The following ACTR3C variants were observed in gnomAD, a reference collection of about 807,000 sequenced individuals.
The protein encoded by ACTR3C is actin related protein 3C, also known as actin-related protein 3C.
Under a neutral mutation model 26.3 loss-of-function variants are expected in ACTR3C, and 18 were observed. The ratio of observed to expected loss-of-function variants is 0.68; its 90% CI spans 0.47 to 1.01. The LOEUF (loss-of-function observed/expected upper bound fraction) is 1.01, where lower values mean the gene tolerates loss of function less well. Among genes scored for constraint, ACTR3C ranks in the 50% least tolerant of loss-of-function variants. ACTR3C has a pLI of 0.00. For synonymous variants in ACTR3C, 55 were observed against 94.5 expected (o/e 0.58, Z 2.42); for missense variants, 184 against 250.7 (o/e 0.73, Z 1.80).
At chr7:149,913,815 T>A in the ACTR3C span, among the ~76,000 whole-genome samples, 1 of 151,684 alleles carries the variant, frequency 6.6e-6, no homozygotes, top group African/African-American at 2.4e-5. Context: ...CCCACCACAT[T>A]TAGCACGATA....
At chr7:150,198,070 C>T in the ACTR3C span, among the ~76,000 whole-genome samples, 6 of 151,486 alleles carry the variant, frequency 4.0e-5, no homozygotes, top group Non-Finnish European at 7.4e-5. Flanking sequence ...GGTCTCCAGC[C>T]CCTAACCGCG....
At chr7:149,922,437 G>A in the ACTR3C span, among the ~76,000 whole-genome samples, 1 of 143,116 alleles carries the variant, frequency 7.0e-6, no homozygotes, top group Non-Finnish European at 1.5e-5. Flanking sequence ...ATGGAAAGGA[G>A]CTGCTGCCAG....
chr7:149,980,253 C>A, the ACTR3C span, among the ~76,000 whole-genome samples: 6 of 152,190 alleles, frequency 3.9e-5, no homozygotes, highest in African/African-American at 1.4e-4. Flanking sequence ...CTTGAACACA[C>A]ACTGAGAAAA....
chr7:150,156,880 G>C, the ACTR3C span, among the ~76,000 whole-genome samples: 1 of 151,792 alleles, frequency 6.6e-6, no homozygotes, highest in Non-Finnish European at 1.5e-5. Context: ...TTCCTGTCTA[G>C]TATTTTATAT....
chr7:150,323,335 G>GC (rs952117959), intron 1 of ACTR3C, 134 bp downstream of exon 1: 2 of 273,822 alleles, frequency 7.3e-6, no homozygotes, highest in Non-Finnish European at 7.2e-6. Context: ...CTTTGGCCAG[G>GC]CCCCCTGGGC....
chr7:150,018,404 T>G, the ACTR3C span, among the ~76,000 whole-genome samples: 1 of 149,568 alleles, frequency 6.7e-6, no homozygotes, highest in East Asian at 1.9e-4. Flanking sequence ...CTCAATGTTT[T>G]GAATTTAAAA....
chr7:150,272,156 C>T (rs528457077), intron 6 of ACTR3C, among the ~76,000 whole-genome samples: 64 of 146,128 alleles, frequency 4.4e-4, no homozygotes, highest in Non-Finnish European at 8.7e-4. Context: ...CTGTTATTAC[C>T]AACACACAAT....
chr7:150,229,032 G>T, the ACTR3C span, among the ~76,000 whole-genome samples: 7 of 151,516 alleles, frequency 4.6e-5, no homozygotes, highest in African/African-American at 1.7e-4. Context: ...CTGTAAATTT[G>T]TTATACTACA....
chr7:149,975,595 G>T, the ACTR3C span, among the ~76,000 whole-genome samples: 1 of 152,018 alleles, frequency 6.6e-6, no homozygotes, highest in South Asian at 2.1e-4. Flanking sequence ...AAACAGTGGA[G>T]AATATTACCG....
At chr7:149,942,588 A>G in the ACTR3C span, among the ~76,000 whole-genome samples, 1 of 150,738 alleles carries the variant, frequency 6.6e-6, no homozygotes, top group Non-Finnish European at 1.5e-5. Context: ...TCACACAAAC[A>G]CACACAAAAG....
chr7:150,085,382 A>G, the ACTR3C span, among the ~76,000 whole-genome samples: 1 of 152,002 alleles, frequency 6.6e-6, no homozygotes, highest in African/African-American at 2.4e-5. Flanking sequence ...CGGTTGAGGA[A>G]ATGGAAAAAG....
the ACTR3C span, among the ~76,000 whole-genome samples, chr7:149,967,567 T>C: frequency 1.3e-4 from 20 of 152,320 alleles, no homozygotes; most frequent in Non-Finnish European, 2.2e-4. Flanking sequence ...CTCTGTCCTC[T>C]AAAAATGAAC....
At chr7:149,937,287 G>A in the ACTR3C span, among the ~76,000 whole-genome samples, 2 of 144,028 alleles carry the variant, frequency 1.4e-5, no homozygotes, top group African/African-American at 2.6e-5. Context: ...TCATGTCTGG[G>A]AGGCAGACTG....
chr7:150,063,408 G>C, the ACTR3C span, among the ~76,000 whole-genome samples: 4 of 151,314 alleles, frequency 2.6e-5, no homozygotes, highest in African/African-American at 4.9e-5. Context: ...ATACCAATGG[G>C]GAAAGTAAGT....
At chr7:150,039,600 G>T in the ACTR3C span, among the ~76,000 whole-genome samples, 1 of 142,066 alleles carries the variant, frequency 7.0e-6, no homozygotes, top group East Asian at 2.2e-4. Flanking sequence ...GGTACCTGCC[G>T]TCGGAAGATT....
chr7:150,058,696 C>A, the ACTR3C span, among the ~76,000 whole-genome samples: 2 of 152,146 alleles, frequency 1.3e-5, no homozygotes, highest in Non-Finnish European at 2.9e-5. Context: ...GTGGGTGGAT[C>A]ACGAGGTCAG....
At chr7:149,891,999 A>G in the ACTR3C span, among the ~76,000 whole-genome samples, 2 of 129,096 alleles carry the variant, frequency 1.5e-5, no homozygotes, top group African/African-American at 2.6e-5. Context: ...CCTGTCAACA[A>G]TTTTCCAGGG....
At chr7:150,106,768 G>A in the ACTR3C span, among the ~76,000 whole-genome samples, 4 of 141,412 alleles carry the variant, frequency 2.8e-5, 1 homozygote, top group Non-Finnish European at 6.0e-5. Flanking sequence ...TTCTAGAATC[G>A]TTAGAGTTGG....
the ACTR3C span, among the ~76,000 whole-genome samples, chr7:149,929,352 T>C: frequency 1.5e-5 from 2 of 129,218 alleles, no homozygotes; most frequent in Non-Finnish European, 3.1e-5. Context: ...TCCTTGAACC[T>C]GGGAGACAGA....
Sources: gnomAD v4.1 joint callset for allele counts (sites outside exome capture counted in the v4.1 genomes callset) on GRCh38, gnomAD v4.1.1 for gene constraint, MANE v1.5 for transcripts, NCBI Gene and HGNC (gene_info 2026-07-23, HGNC 2026-07-21) for gene names.